TMEM245: variants seen among roughly 807,000 people sequenced by gnomAD.
TMEM245 encodes transmembrane protein 245.
A neutral mutation model predicts 101.2 loss-of-function variants in TMEM245; 69 were observed. The ratio of observed to expected loss-of-function variants is 0.68; its 90% CI spans 0.56 to 0.83. The LOEUF (loss-of-function observed/expected upper bound fraction) is 0.83. Among genes scored for constraint, TMEM245 ranks in the 40% least tolerant of loss-of-function variants. TMEM245 has a pLI of 0.00. For synonymous variants in TMEM245, 537 were observed against 449.8 expected, an observed-to-expected ratio of 1.19 and a Z score of -2.45; for missense variants, 1,075 against 1,092.8, an observed-to-expected ratio of 0.98 and a Z score of 0.23.
chr9:109,058,207 T>G (rs1828904033), intron 11 of TMEM245, among the ~76,000 whole-genome samples: 1 of 151,746 alleles, frequency 6.6e-6, no homozygotes, highest in African/African-American at 2.4e-5. Context: ...GGTTTCACTG[T>G]GTTAGCCAGG....
In TMEM245 at chr9:109,017,305, A is replaced by G. The variant is rs1453659555; in HGVS notation, c.*3155T>C. 2.6e-5 allele frequency: 4 copies of G among 152,356 alleles called. No individual in the cohort carries two copies. In the East Asian group the frequency reaches 7.7e-4, roughly 29 times the overall value. 9.4% of individuals were successfully genotyped at this position (152,356 alleles called of 1,614,324 possible). A position where few individuals can be genotyped will look rare whatever the true frequency, so the allele number is the denominator to read the frequency against. On this transcript the variant is annotated 3_prime_UTR_variant, in exon 18 of 18. Coordinates refer to ENST00000374586, the MANE Select transcript of TMEM245 (RefSeq NM_032012.4). ...TGGGCCAACCCACACTAGACTCAGA[A>G]GTCAAGGGAAAGCTCTGCCAGCTAA...
intron 9 of TMEM245, among the ~76,000 whole-genome samples, chr9:109,066,560 T>C (rs1421907277): frequency 6.7e-6 from 1 of 149,286 alleles, no homozygotes; most frequent in Non-Finnish European, 1.5e-5. Context: ...AAACAGGAAA[T>C]CTGGGTCACT....
At chr9:109,083,922 A>AAAAAAAAAAAAAAAAAAC (rs1564197327) in intron 7 of TMEM245, among the ~76,000 whole-genome samples, 1 of 142,548 alleles carries the variant, frequency 7.0e-6, no homozygotes, top group Non-Finnish European at 1.5e-5. Context: ...AAAAAAAAAA[A>AAAAAAAAAAAAAAAAAAC]AAAAAAACAC....
In TMEM245 at chr9:109,119,758, C is replaced by A; in HGVS notation, c.156G>T (p.Gln52His). Residue 52 changes from glutamine (Q) to histidine (H), a missense_variant, in exon 1 of 18, where the codon CAG becomes CAT. Coordinates refer to ENST00000374586, the MANE Select transcript of TMEM245 (RefSeq NM_032012.4). Reference protein sequence around the residue: ...LALRFDKPIKQAFYNTGAVLF... With the variant: ...LALRFDKPIKHAFYNTGAVLF... ...GCACGGCCCCGGTGTTGTAGAAGGC[C>A]TGCTTAATGGGCTTGTCGAAGCGCA... 6.6e-7 allele frequency: 1 copy of A among 1,514,826 alleles called. No individual in the cohort carries two copies. The highest frequency in any genetic ancestry group is 8.8e-7 in the Non-Finnish European group (1 of 1,137,090). 93.8% of individuals were successfully genotyped at this position (1,514,826 alleles called of 1,614,324 possible).
intron 12 of TMEM245, among the ~76,000 whole-genome samples, chr9:109,052,305 T>C (rs920844335): frequency 7.2e-5 from 11 of 152,248 alleles, no homozygotes; most frequent in African/African-American, 2.7e-4. Context: ...CTCTATTTTA[T>C]ACATACATAA....
chr9:109,105,095 C>A (rs73520936), intron 3 of TMEM245, among the ~76,000 whole-genome samples: 4,762 of 152,136 alleles, frequency 0.031, 251 homozygotes, highest in African/African-American at 0.11. Context: ...ATTTAAAAAT[C>A]ATATATTTGA....
At chr9:109,114,997 T>G (rs761833658) in intron 1 of TMEM245, among the ~76,000 whole-genome samples, 10 of 152,086 alleles carry the variant, frequency 6.6e-5, no homozygotes, top group Non-Finnish European at 1.5e-4. Flanking sequence ...ACTGAAGAAA[T>G]CTACAAGTGA....
At chr9:109,096,598 C>G (rs1250381857) in intron 3 of TMEM245, among the ~76,000 whole-genome samples, 3 of 152,214 alleles carry the variant, frequency 2.0e-5, no homozygotes, top group Non-Finnish European at 4.4e-5. Flanking sequence ...CAGGAGGGAT[C>G]TCTTAGGCCC....
intron 1 of TMEM245, 31 bp downstream of exon 1, chr9:109,119,304 G>A: frequency 6.6e-7 from 1 of 1,512,772 alleles, no homozygotes. Context: ...GACCACGGGC[G>A]GGGGACGGGG....
chr9:109,029,855 G>A (rs946957268), intron 17 of TMEM245, among the ~76,000 whole-genome samples: 9 of 152,184 alleles, frequency 5.9e-5, no homozygotes, highest in Non-Finnish European at 1.0e-4. Flanking sequence ...AGAGGTGAGT[G>A]CCTGGTGCAG....
At chr9:109,093,836 C>T (rs946383640) in intron 3 of TMEM245, among the ~76,000 whole-genome samples, 1 of 152,170 alleles carries the variant, frequency 6.6e-6, no homozygotes, top group Admixed American at 6.5e-5. Flanking sequence ...ATGTGGCAGA[C>T]ACTACACATG....
intron 9 of TMEM245, among the ~76,000 whole-genome samples, chr9:109,065,216 C>T (rs577893765): frequency 1.3e-5 from 2 of 152,306 alleles, no homozygotes; most frequent in South Asian, 4.1e-4. Context: ...TTCTGGGAGA[C>T]TGGGATATTC....
intron 17 of TMEM245, among the ~76,000 whole-genome samples, chr9:109,021,647 T>C (rs531941545): frequency 1.3e-5 from 2 of 152,148 alleles, no homozygotes; most frequent in Non-Finnish European, 2.9e-5. Context: ...CCTGAGTAGC[T>C]GGGACTACAG....
chr9:109,037,469 G>A (rs1361553160), intron 15 of TMEM245, among the ~76,000 whole-genome samples: 1 of 152,312 alleles, frequency 6.6e-6, no homozygotes, highest in East Asian at 1.9e-4. Flanking sequence ...GGTAAAACCT[G>A]GTGAGAGGTG....
chr9:109,051,624 T>C (rs562130266), intron 12 of TMEM245, among the ~76,000 whole-genome samples: 1 of 152,238 alleles, frequency 6.6e-6, no homozygotes, highest in Admixed American at 6.6e-5. Context: ...AAAGGTACAG[T>C]AAAAATACAG....
chr9:109,060,630 C>T (rs1043898794), intron 10 of TMEM245, among the ~76,000 whole-genome samples, 178 bp from the exon 11 acceptor site: 2 of 152,030 alleles, frequency 1.3e-5, no homozygotes, highest in African/African-American at 4.8e-5. Flanking sequence ...AGTAAATTTC[C>T]TTTCTCATGT....
chr9:109,115,681 C>T (rs1035275353), intron 1 of TMEM245, among the ~76,000 whole-genome samples: 2 of 151,278 alleles, frequency 1.3e-5, no homozygotes, highest in African/African-American at 4.9e-5. Flanking sequence ...TGGAGTCGGC[C>T]GTCACACCCG....
At chr9:109,033,565 T>C in intron 16 of TMEM245, 64 bp from the exon 17 acceptor site, 1 of 1,472,124 alleles carries the variant, frequency 6.8e-7, no homozygotes, top group Non-Finnish European at 9.1e-7. Context: ...ACATTTCTAA[T>C]ACAATGTGCA....
Position 109,090,944 on chromosome 9 carries a change from C to T in TMEM245, c.1128G>A (p.Gln376=). ...GACCTGCAATCGGCACTGGCAGCAACTGCACAATCCACAGGTTCAACCAGA... is the reference window on the plus strand; with the variant it reads ...GACCTGCAATCGGCACTGGCAGCAATTGCACAATCCACAGGTTCAACCAGA... ...MQIWLNLWIV[Q]LLPVPIAVWI... Residue 376 remains glutamine (Q), a synonymous_variant, in exon 5 of 18, where the codon CAG becomes CAA. Transcript: ENST00000374586. The T allele has an allele frequency of 6.2e-7, 1 of 1,614,164 alleles. No individual in the cohort carries two copies. The highest frequency in any genetic ancestry group is 2.2e-5 in the East Asian group (1 of 44,880).
Sources: gnomAD v4.1 joint callset for allele counts (sites outside exome capture counted in the v4.1 genomes callset) on GRCh38, gnomAD v4.1.1 for gene constraint, MANE v1.5 for transcripts, NCBI Gene and HGNC (gene_info 2026-07-23, HGNC 2026-07-21) for gene names.